The following PITRM1 variants were observed in gnomAD, a reference collection of about 807,000 sequenced individuals.
PITRM1 encodes the protein presequence protease, mitochondrial.
In PITRM1, 100 loss-of-function variants were observed where a neutral mutation model predicts 129.9. The observed-to-expected ratio is 0.77, with a 90% CI of 0.65 to 0.91. PITRM1 has a LOEUF of 0.91. Ranked by LOEUF, PITRM1 falls within the 40% of genes least tolerant of loss-of-function variation. The pLI is 0.00. For synonymous variants in PITRM1, 591 were observed against 508.8 expected (o/e 1.16, Z -2.17); for missense variants, 1,471 against 1,318.3 (o/e 1.12, Z -1.79).
At chr10:3,142,585 G>C (rs1239859307) in intron 23 of PITRM1, among the ~76,000 whole-genome samples, 1 of 152,266 alleles carries the variant, frequency 6.6e-6, no homozygotes, top group East Asian at 1.9e-4. Flanking sequence ...CCCCAGATGG[G>C]ATGAACACAG....
chr10:3,140,565 G>T, intron 24 of PITRM1, 122 bp downstream of exon 24: 1 of 890,192 alleles, frequency 1.1e-6, no homozygotes. Context: ...GGAGTGAAAA[G>T]AAGCACACAG....
At chr10:3,158,851 G>A in intron 10 of PITRM1, 63 bp downstream of exon 10, 1 of 1,501,832 alleles carries the variant, frequency 6.7e-7, no homozygotes. Context: ...GGGTGCGGAG[G>A]TGGAGGAGCA....
rs1489398505 is a variant in PITRM1, at chr10:3,143,586, G to A, written c.2533-85C>T. 5.4e-6 allele frequency: 5 copies of A among 932,450 alleles called. No individual in the cohort carries two copies. In the Admixed American group the frequency reaches 5.5e-5, roughly 10 times the overall value. The allele number at this position is 932,450 out of a possible 1,614,324, so 57.8% of individuals were successfully genotyped here. ...GACTGGACCCACTCAGGGGTCAGAG[G>A]CGGCTGTGCTCCCACGCACTGCCCA... On this transcript the variant is annotated intron_variant, in intron 22 of 26. Transcript: ENST00000224949.
intron 3 of PITRM1, among the ~76,000 whole-genome samples, 157 bp downstream of exon 3, chr10:3,166,779 A>G (rs538246503): frequency 6.6e-5 from 10 of 152,320 alleles, no homozygotes; most frequent in African/African-American, 2.4e-4. Context: ...TTTATTTATT[A>G]TTTTTAGCTC....
At chr10:3,158,559 T>C (rs1842164646) in intron 10 of PITRM1, among the ~76,000 whole-genome samples, 1 of 151,964 alleles carries the variant, frequency 6.6e-6, no homozygotes, top group Non-Finnish European at 1.5e-5. Flanking sequence ...AAAAAAAAAA[T>C]TCTAATACTT....
At chr10:3,172,647 C>A in intron 1 of PITRM1, 70 bp downstream of exon 1, 1 of 1,408,394 alleles carries the variant, frequency 7.1e-7, no homozygotes, top group South Asian at 1.4e-5. Flanking sequence ...ACCCCTACGC[C>A]TCCGGCCTGC....
At chr10:3,154,734 G>GA (rs1841825086) in intron 14 of PITRM1, among the ~76,000 whole-genome samples, 1 of 152,040 alleles carries the variant, frequency 6.6e-6, no homozygotes, top group Non-Finnish European at 1.5e-5. Context: ...GCCTTTATCA[G>GA]ACACCATTTT....
intron 7 of PITRM1, 45 bp downstream of exon 7, chr10:3,163,680 C>A: frequency 6.6e-7 from 1 of 1,521,838 alleles, no homozygotes; most frequent in South Asian, 1.2e-5. Flanking sequence ...ACAAACAAGT[C>A]AACTTTTCAC....
chr10:3,142,117 T>G (rs2131818444), intron 23 of PITRM1, among the ~76,000 whole-genome samples: 1 of 152,346 alleles, frequency 6.6e-6, no homozygotes, highest in Non-Finnish European at 1.5e-5. Context: ...GTGTTTTCTG[T>G]CTACATTTTC....
intron 15 of PITRM1, among the ~76,000 whole-genome samples, chr10:3,150,409 C>G (rs764578448): frequency 6.6e-6 from 1 of 152,236 alleles, no homozygotes; most frequent in Non-Finnish European, 1.5e-5. Context: ...CGCCCACACA[C>G]ACACACACAT....
At position 3,143,351 on chromosome 10, in the gene PITRM1, G is replaced by C. The variant is rs538500156; in HGVS notation, c.2645+38C>G. 6.2e-6 allele frequency: 8 copies of C among 1,289,686 alleles called. No individual in the cohort carries two copies. In the South Asian group the frequency reaches 9.5e-5, roughly 15 times the overall value. The allele number at this position is 1,289,686 out of a possible 1,614,324, so 79.9% of individuals were successfully genotyped here. ...ACAGCCTTGACAAGCTCTTCCGTAA[G>C]GCTCAGGCCTGAGAGGTCCCGACCT... On this transcript the variant is annotated intron_variant, in intron 23 of 26. Coordinates refer to ENST00000224949, the MANE Select transcript of PITRM1 (RefSeq NM_014889.4).
rs1455069111 is a variant in PITRM1 at position 3,160,315 on chromosome 10, AC to A, written c.806del (p.Gly269ValfsTer5). On this transcript the variant is annotated frameshift_variant, in exon 8 of 27. Coordinates refer to ENST00000224949, the MANE Select transcript of PITRM1 (RefSeq NM_014889.4). LOFTEE classifies it high-confidence loss of function. ...TCAGATGCTGTTCTAATGGAAAATT[AC>A]CGTACGTGAAGAACCTAAAATTTTA... ...HPSNARFFTY[G>X]NFPLEQHLKQ... 1.2e-6 allele frequency: 2 copies of A among 1,612,164 alleles called. No homozygotes were observed. The highest frequency in any genetic ancestry group is 1.7e-6 in the Non-Finnish European group (2 of 1,178,200).
At chr10:3,159,189 A>G in intron 9 of PITRM1, 147 bp from the exon 10 acceptor site, 1 of 761,874 alleles carries the variant, frequency 1.3e-6, no homozygotes, top group Non-Finnish European at 2.1e-6. Flanking sequence ...GCAGAAGAGA[A>G]TTTTCCTTAA....
chr10:3,159,856 G>A lies in PITRM1; in HGVS notation c.999C>T (p.Leu333=). 1 of 1,591,130 alleles carries A rather than the reference G, an allele frequency of 6.3e-7. No individual in the cohort carries two copies. The highest frequency in any genetic ancestry group is 1.1e-5 in the South Asian group (1 of 88,440). The stretch of plus-strand genomic sequence containing the variant: ...TGACAGCATATACTTACTCCGGTAA[G>A]AGGAAGCTAACGCTGATGGTTGTTT... ...SKQTTISVSF[L]LPDITDTFEA... The change falls in exon 9 of 27, where the codon CTC becomes CTT. Residue 333 remains leucine, a synonymous_variant. Transcript: ENST00000224949.
chr10:3,165,486 T>C lies in PITRM1; in HGVS notation c.460A>G (p.Lys154Glu). ...TLYPFSTQNP[K>E]DFQNLLSVYL... ...ACCGAGAGGAGATTCTGAAAGTCCTTGGGATTTTGTGTGGAAAATGGATAC... is the reference window on the plus strand; with the variant it reads ...ACCGAGAGGAGATTCTGAAAGTCCTCGGGATTTTGTGTGGAAAATGGATAC... Residue 154 changes from lysine (K) to glutamate (E), a missense_variant, in exon 5 of 27, where the codon AAG becomes GAG. Lys to Glu is a moderately conservative substitution (Grantham distance 56). Coordinates refer to ENST00000224949, the MANE Select transcript of PITRM1 (RefSeq NM_014889.4). 6 of 1,612,806 alleles carry C rather than the reference T, an allele frequency of 3.7e-6. No individual in the cohort carries two copies. Among genetic ancestry groups the C allele is most frequent in the Non-Finnish European group, 5.1e-6 (6 of 1,179,226 alleles).
In PITRM1 at chr10:3,138,955, T is replaced by G. The variant is rs1339060966; in HGVS notation, c.2866A>C (p.Lys956Gln). The change falls in exon 25 of 27, where the codon AAA becomes CAA. Residue 956 changes from lysine (K) to glutamine (Q), a missense_variant. Physicochemically the swap from Lys to Gln is moderately conservative, Grantham distance 53 (BLOSUM62 1). Coordinates refer to ENST00000224949, the MANE Select transcript of PITRM1 (RefSeq NM_014889.4). ...KFTQQDIDEA[K>Q]LSVFSTVDAP... The stretch of plus-strand genomic sequence containing the variant: ...TCTACGGTTGAGAAGACAGAAAGTT[T>G]GGCTTCGTCGATGTCTTGCTGTGTG... The G allele has an allele frequency of 6.2e-7, 1 of 1,614,012 alleles. No individual in the cohort carries two copies. Among genetic ancestry groups the G allele is most frequent in the East Asian group, 2.2e-5 (1 of 44,884 alleles).
Position 3,139,902 on chromosome 10 carries a change from CA to C in PITRM1, c.2771+784del, listed in dbSNP as rs146077692. On this transcript the variant is annotated intron_variant, in intron 24 of 26. Transcript: ENST00000224949. ...ATAGAAAATCAAGAATATTGCTTTA[CA>C]GTAACGGTGTTATGTTTATGAAAGC... Among the ~76,000 whole-genome samples, 1,255 of 152,284 alleles carry C rather than the reference CA, an allele frequency of 8.2e-3. 13 individuals carry two copies. Among genetic ancestry groups the C allele is most frequent in the African/African-American group, 0.029 (1,186 of 41,542 alleles).
In PITRM1 at chr10:3,164,048, C is replaced by A. The variant is rs565704359; in HGVS notation, c.631-163G>T. ...TAAAAAAAAAAAAAAAACACCCACG[C>A]AGGCATTGTTTAACACGGTATTCAA... On this transcript the variant is annotated intron_variant, in intron 6 of 26. Coordinates refer to ENST00000224949, the MANE Select transcript of PITRM1 (RefSeq NM_014889.4). 4.4e-4 allele frequency: 177 copies of A among 402,890 alleles called. 3 individuals are homozygous for A. Among genetic ancestry groups the A allele is most frequent in the East Asian group, 2.2e-4 (5 of 22,708 alleles). 25.0% of individuals were successfully genotyped at this position (402,890 alleles called of 1,614,324 possible). A position where few individuals can be genotyped will look rare whatever the true frequency, so the allele number is the denominator to read the frequency against.
chr10:3,160,318 G>A lies in PITRM1; in HGVS notation c.804C>T (p.Tyr268=), dbSNP rs769158730. The A allele has an allele frequency of 1.5e-5, 24 of 1,611,032 alleles. No homozygotes were observed. Among genetic ancestry groups the A allele is most frequent in the South Asian group, 4.4e-5 (4 of 91,016 alleles). ...YHPSNARFFT[Y]GNFPLEQHLK... The stretch of plus-strand genomic sequence containing the variant: ...GATGCTGTTCTAATGGAAAATTACC[G>A]TACGTGAAGAACCTAAAATTTTAAG... Residue 268 remains tyrosine (Y), a synonymous_variant, in exon 8 of 27, where the codon TAC becomes TAT. Transcript: ENST00000224949.
Sources: allele counts gnomAD v4.1 joint callset (sites outside exome capture counted in the v4.1 genomes callset), GRCh38; gene constraint gnomAD v4.1.1; transcripts MANE v1.5; gene names NCBI Gene and HGNC (gene_info 2026-07-23, HGNC 2026-07-21).